The following ADAMTS3 variants were observed in gnomAD, a reference collection of about 807,000 sequenced individuals.
ADAMTS3 encodes the protein ADAM metallopeptidase with thrombospondin type 1 motif 3, also known as A disintegrin and metalloproteinase with thrombospondin motifs 3.
In ADAMTS3, 73 loss-of-function variants were observed where a neutral mutation model predicts 129.0. That is an observed-to-expected ratio of 0.57 (90% CI 0.47 to 0.69). The LOEUF (loss-of-function observed/expected upper bound fraction) is 0.69, where lower values mean the gene tolerates loss of function less well. Ranked by LOEUF, ADAMTS3 falls within the 30% of genes least tolerant of loss-of-function variation. The probability of loss-of-function intolerance (pLI) is 0.00; values close to 1 mark genes in which losing one functional copy is unlikely to be tolerated. For missense variants in ADAMTS3, 1,457 were observed against 1,514.5 expected (o/e 0.96, Z 0.63); for synonymous variants, 477 against 510.8 (o/e 0.93, Z 0.89).
chr4:72,472,808 T>C (rs900149232), intron 3 of ADAMTS3, among the ~76,000 whole-genome samples: 7 of 152,268 alleles, frequency 4.6e-5, no homozygotes, highest in African/African-American at 1.7e-4. Flanking sequence ...ATGTTGACAA[T>C]TGTAGAATGG....
chr4:72,407,383 GT>G (rs372923193), intron 4 of ADAMTS3, among the ~76,000 whole-genome samples: 285 of 152,126 alleles, frequency 1.9e-3, no homozygotes, highest in African/African-American at 6.7e-3. Flanking sequence ...TTTATTATTT[GT>G]TTCACCTTTT....
At position 72,524,337 on chromosome 4, in the gene ADAMTS3, C is replaced by T. The variant is rs140682540; in HGVS notation, c.504+24141G>A. ...TTGCTGTTTCTTTCTGCAAACAACA[C>T]TAGATATTTTCTAAATACACACATG... On this transcript the variant is annotated intron_variant, in intron 3 of 21. Transcript: ENST00000286657. 4.0e-3 allele frequency among the ~76,000 whole-genome samples: 601 copies of T among 152,144 alleles called. 3 individuals carry two copies. The highest frequency in any genetic ancestry group is 5.9e-3 in the Non-Finnish European group (402 of 67,984).
intron 3 of ADAMTS3, among the ~76,000 whole-genome samples, chr4:72,529,627 A>C (rs1720908301): frequency 7.4e-6 from 1 of 134,552 alleles, no homozygotes; most frequent in East Asian, 2.0e-4. Flanking sequence ...AATAATATAT[A>C]TAATATTATA....
chr4:72,333,720 T>C (rs569897072), intron 5 of ADAMTS3, among the ~76,000 whole-genome samples: 2 of 152,298 alleles, frequency 1.3e-5, no homozygotes, highest in Admixed American at 1.3e-4. Flanking sequence ...AATGACCTTT[T>C]AGTTACTAAA....
intron 4 of ADAMTS3, among the ~76,000 whole-genome samples, chr4:72,349,681 G>C (rs1049510321): frequency 7.9e-5 from 12 of 151,834 alleles, no homozygotes; most frequent in Non-Finnish European, 1.3e-4. Flanking sequence ...TGTATTCACA[G>C]TACAGATCAG....
intron 3 of ADAMTS3, among the ~76,000 whole-genome samples, chr4:72,505,298 G>T (rs1344079625): frequency 1.3e-5 from 2 of 152,086 alleles, no homozygotes; most frequent in Non-Finnish European, 2.9e-5. Context: ...TCCCTAGAGT[G>T]TGTGACTGAA....
chr4:72,382,046 T>C (rs1005426205), intron 4 of ADAMTS3, among the ~76,000 whole-genome samples: 11 of 152,206 alleles, frequency 7.2e-5, no homozygotes, highest in African/African-American at 2.4e-4. Context: ...TGGCAGTAAT[T>C]GAGGCTGTGC....
At chr4:72,386,991 T>C (rs1202557426) in intron 4 of ADAMTS3, among the ~76,000 whole-genome samples, 4 of 152,238 alleles carry the variant, frequency 2.6e-5, no homozygotes, top group Non-Finnish European at 5.9e-5. Flanking sequence ...AATGCTCTTT[T>C]CAATAGCTAA....
intron 3 of ADAMTS3, among the ~76,000 whole-genome samples, chr4:72,435,955 T>C (rs1717896125): frequency 1.3e-5 from 2 of 152,056 alleles, no homozygotes; most frequent in Admixed American, 6.6e-5. Flanking sequence ...AAGGAATTCA[T>C]GACTAAAACA....
chr4:72,336,498 T>C (rs1265146133), intron 5 of ADAMTS3, among the ~76,000 whole-genome samples: 1 of 152,174 alleles, frequency 6.6e-6, no homozygotes, highest in Non-Finnish European at 1.5e-5. Flanking sequence ...CTCATTCTCA[T>C]TTGATGATGA....
Position 72,383,924 on chromosome 4 carries a change from ATATACT to A in ADAMTS3, c.661+30885_661+30890del, listed in dbSNP as rs1158465058. Reference sequence around the variant, plus strand: ...AAATTCTTCAATGATATAAAGAAAAATATACTTATAACGAATGAGCAAGTAGAAAAG... The same window carrying A: ...AAATTCTTCAATGATATAAAGAAAAATATAACGAATGAGCAAGTAGAAAAG... On this transcript the variant is annotated intron_variant, in intron 4 of 21. Coordinates refer to ENST00000286657, the MANE Select transcript of ADAMTS3 (RefSeq NM_014243.3). Among the ~76,000 whole-genome samples the A allele has an allele frequency of 7.2e-5, 11 of 152,234 alleles. No homozygotes were observed. The South Asian group carries it at 8.3e-4, about 11-fold the overall frequency.
intron 4 of ADAMTS3, among the ~76,000 whole-genome samples, chr4:72,383,598 C>A (rs553567685): frequency 6.6e-6 from 1 of 152,106 alleles, no homozygotes; most frequent in African/African-American, 2.4e-5. Context: ...GTGTTCGAGG[C>A]GGACTCTAAG....
Position 72,353,399 on chromosome 4 carries a change from T to C in ADAMTS3, c.662-13706A>G, listed in dbSNP as rs541064405. 2.6e-5 allele frequency among the ~76,000 whole-genome samples: 4 copies of C among 152,140 alleles called. No individual in the cohort carries two copies. The South Asian group carries it at 6.2e-4, about 24-fold the overall frequency. On this transcript the variant is annotated intron_variant, in intron 4 of 21. Transcript: ENST00000286657. ...GAACTCAGAATGGCAAATATGGTTA[T>C]GGAGACACTGTAAAAACAGTGGCTT...
rs568686622 is a variant in ADAMTS3 at position 72,500,617 on chromosome 4, A to G, written c.504+47861T>C. On this transcript the variant is annotated intron_variant, in intron 3 of 21. Transcript: ENST00000286657. Reference sequence around the variant, plus strand: ...GCTGTACAGAAAAGCTCTTTAGTTTAATTATGTTCTCCTTGTCAGTTTTTG... The same window carrying G: ...GCTGTACAGAAAAGCTCTTTAGTTTGATTATGTTCTCCTTGTCAGTTTTTG... Among the ~76,000 whole-genome samples the G allele has an allele frequency of 8.5e-5, 13 of 152,160 alleles. No homozygotes were observed. In the South Asian group the frequency reaches 2.7e-3, roughly 32 times the overall value.
rs72852096 is a variant in ADAMTS3, at chr4:72,456,850, G to T, written c.505-41879C>A. Among the ~76,000 whole-genome samples the T allele has an allele frequency of 5.4e-3, 822 of 151,614 alleles. 11 individuals are homozygous for T. The highest frequency in any genetic ancestry group is 0.019 in the African/African-American group (784 of 41,420). ...TTTTAAACAGAGCACTCCCTATATA[G>T]TGCCCCAAGCCAACACAGGGAGGGA... On this transcript the variant is annotated intron_variant, in intron 3 of 21. Coordinates refer to ENST00000286657, the MANE Select transcript of ADAMTS3 (RefSeq NM_014243.3).
chr4:72,333,976 C>T (rs1465337060), intron 5 of ADAMTS3, among the ~76,000 whole-genome samples: 3 of 151,142 alleles, frequency 2.0e-5, no homozygotes. Context: ...GCCTCAGCCT[C>T]CTGAGTAGCT....
intron 3 of ADAMTS3, among the ~76,000 whole-genome samples, chr4:72,462,254 A>G (rs1718789589): frequency 6.6e-6 from 1 of 151,880 alleles, no homozygotes; most frequent in African/African-American, 2.4e-5. Context: ...AAAGCCAGCA[A>G]CCTCACGAGA....
chr4:72,566,254 AC>A (rs1722017933), intron 2 of ADAMTS3, among the ~76,000 whole-genome samples: 1 of 152,196 alleles, frequency 6.6e-6, no homozygotes, highest in South Asian at 2.1e-4. Flanking sequence ...ATTACAGGCT[AC>A]ATATACACAC....
Position 72,319,822 on chromosome 4 carries a change from C to CT in ADAMTS3, c.1208+35dup, listed in dbSNP as rs572768555. The stretch of plus-strand genomic sequence containing the variant: ...CTGGGAGAAGCAGGAAAGAAAAGAT[C>CT]TTTTTTTGGCTTTATAGCTGTCAGC... On this transcript the variant is annotated intron_variant, in intron 8 of 21. Transcript: ENST00000286657. 64 of 1,503,654 alleles carry CT rather than the reference C, an allele frequency of 4.3e-5. No homozygotes were observed. The East Asian group carries it at 1.0e-3, about 24-fold the overall frequency. 93.1% of individuals were successfully genotyped at this position (1,503,654 alleles called of 1,614,324 possible).
Sources: gnomAD v4.1 joint callset for allele counts (sites outside exome capture counted in the v4.1 genomes callset) on GRCh38, gnomAD v4.1.1 for gene constraint, MANE v1.5 for transcripts, NCBI Gene and HGNC (gene_info 2026-07-23, HGNC 2026-07-21) for gene names.